Variants in ANKFN1 observed in about 807,000 individuals in gnomAD.
ANKFN1 encodes the protein ankyrin repeat and fibronectin type-III domain-containing protein 1.
In ANKFN1, 74 loss-of-function variants were observed where a neutral mutation model predicts 108.7. The observed-to-expected ratio is 0.68, with a 90% confidence interval of 0.56 to 0.83. The LOEUF is 0.83. Among genes scored for constraint, ANKFN1 ranks in the 40% least tolerant of loss-of-function variants. ANKFN1 has a pLI of 0.00. For synonymous variants in ANKFN1, 547 were observed against 516.2 expected (o/e 1.06, Z -0.81); for missense variants, 1,505 against 1,382.3 (o/e 1.09, Z -1.41).
chr17:56,188,581 G>GTGTGTGTGTATATATATATATATA (rs1212242378), intron 1 of ANKFN1, among the ~76,000 whole-genome samples: 2 of 49,650 alleles, frequency 4.0e-5, no homozygotes, highest in African/African-American at 2.0e-4. Context: ...GTGTGTGTGT[G>GTGTGTGTGTATATATATATATATA]TATATATATA....
At chr17:56,177,759 A>G (rs188888383) in intron 1 of ANKFN1, among the ~76,000 whole-genome samples, 1 of 152,310 alleles carries the variant, frequency 6.6e-6, no homozygotes, top group Admixed American at 6.5e-5. Flanking sequence ...TTAACTGCCT[A>G]AGCTCCTAAT....
chr17:56,196,083 A>G (rs539332465), intron 1 of ANKFN1, among the ~76,000 whole-genome samples: 49 of 152,202 alleles, frequency 3.2e-4, no homozygotes, highest in African/African-American at 1.1e-3. Context: ...CCTGGACAAC[A>G]TGGCAAAACC....
At chr17:56,047,067 G>C (rs1463488771) in intron 4 of ANKFN1, among the ~76,000 whole-genome samples, 1 of 152,158 alleles carries the variant, frequency 6.6e-6, no homozygotes, top group Non-Finnish European at 1.5e-5. Context: ...AGGTAAGAAT[G>C]ATTTTGCTGT....
At chr17:56,197,360 G>T (rs1294238952) in intron 1 of ANKFN1, among the ~76,000 whole-genome samples, 2 of 152,198 alleles carry the variant, frequency 1.3e-5, no homozygotes, top group Non-Finnish European at 2.9e-5. Context: ...ATTTGATTAT[G>T]CTAGGCGTGG....
At chr17:56,063,053 C>T (rs563371168) in intron 4 of ANKFN1, among the ~76,000 whole-genome samples, 5 of 152,234 alleles carry the variant, frequency 3.3e-5, no homozygotes, top group Admixed American at 3.3e-4. Flanking sequence ...GAATATTGTC[C>T]CCCAATCTCT....
intron 4 of ANKFN1, among the ~76,000 whole-genome samples, chr17:56,137,150 G>A (rs920466700): frequency 2.6e-5 from 4 of 152,186 alleles, no homozygotes; most frequent in African/African-American, 9.7e-5. Flanking sequence ...AATCCAGCAG[G>A]TCAGATGTAT....
intron 3 of ANKFN1, among the ~76,000 whole-genome samples, chr17:56,298,549 C>T (rs62073043): frequency 0.13 from 19,261 of 152,138 alleles, 1,468 homozygotes; most frequent in African/African-American, 0.22. Flanking sequence ...TGCTTATTTA[C>T]TGACTTTCCC....
intron 4 of ANKFN1, among the ~76,000 whole-genome samples, chr17:56,052,425 C>G (rs991569034): frequency 1.3e-5 from 2 of 151,854 alleles, no homozygotes; most frequent in Non-Finnish European, 2.9e-5. Context: ...ATGGCATGCC[C>G]GTGGCCTGCA....
intron 20 of ANKFN1, among the ~76,000 whole-genome samples, chr17:56,503,964 T>C (rs562583216): frequency 6.6e-5 from 10 of 152,180 alleles, no homozygotes; most frequent in Non-Finnish European, 1.0e-4. Flanking sequence ...TAATGGAGCA[T>C]ATGGCCTGAA....
chr17:56,459,234 C>A (rs1475527266), intron 14 of ANKFN1, among the ~76,000 whole-genome samples: 1 of 152,136 alleles, frequency 6.6e-6, no homozygotes, highest in Non-Finnish European at 1.5e-5. Context: ...CCTCAGCCTC[C>A]TGAGTAGCTA....
upstream of ANKFN1, among the ~76,000 whole-genome samples, chr17:56,152,254 ATATATATATGTGTG>A (rs1419667518): frequency 1.4e-4 from 11 of 78,420 alleles, no homozygotes; most frequent in African/African-American, 4.6e-4. Flanking sequence ...AAATATATAT[ATATATATATGTGTG>A]TGTGTGTGTG....
At chr17:56,196,615 C>T (rs749328343) in intron 1 of ANKFN1, among the ~76,000 whole-genome samples, 2 of 151,996 alleles carry the variant, frequency 1.3e-5, no homozygotes, top group Non-Finnish European at 2.9e-5. Flanking sequence ...CACCACATAC[C>T]CTGTAGTCCT....
intron 3 of ANKFN1, among the ~76,000 whole-genome samples, chr17:56,261,572 G>C (rs1011759414): frequency 2.0e-5 from 3 of 151,878 alleles, no homozygotes; most frequent in Admixed American, 2.0e-4. Context: ...AAGTAGGGAA[G>C]CCAACAGTGC....
Position 56,285,192 on chromosome 17 carries a change from T to C in ANKFN1, c.54-41029T>C, listed in dbSNP as rs1273815270. On this transcript the variant is annotated intron_variant, in intron 3 of 20. Transcript: ENST00000682825. ...ATTTAGGGTGACAGCAGGGGTGCGG[T>C]TGGGGACTGTGTGTGGTCTTTGCCT... Among the ~76,000 whole-genome samples the C allele has an allele frequency of 2.0e-5, 3 of 152,122 alleles. No homozygotes were observed. The South Asian group carries it at 6.2e-4, about 32-fold the overall frequency.
chr17:56,447,129 G>T (rs2049322769), intron 10 of ANKFN1, among the ~76,000 whole-genome samples: 1 of 151,838 alleles, frequency 6.6e-6, no homozygotes, highest in Admixed American at 6.6e-5. Flanking sequence ...AGGCTGAGGA[G>T]GGAGAATCAC....
intron 4 of ANKFN1, among the ~76,000 whole-genome samples, chr17:56,103,581 G>A (rs1905688876): frequency 6.6e-6 from 1 of 152,036 alleles, no homozygotes; most frequent in African/African-American, 2.4e-5. Flanking sequence ...TGAGGTAAAA[G>A]TGATTTCTTT....
intron 4 of ANKFN1, among the ~76,000 whole-genome samples, chr17:56,069,806 C>G (rs143373704): frequency 6.6e-6 from 1 of 152,140 alleles, no homozygotes; most frequent in East Asian, 1.9e-4. Context: ...AGTAAAGGAA[C>G]AAAAGAATGG....
intron 9 of ANKFN1, among the ~76,000 whole-genome samples, chr17:56,442,494 T>C (rs1215922108): frequency 6.6e-6 from 1 of 152,224 alleles, no homozygotes; most frequent in Non-Finnish European, 1.5e-5. Context: ...GGAATTGCTA[T>C]TTTTTGTAAA....
intron 3 of ANKFN1, among the ~76,000 whole-genome samples, chr17:56,231,064 G>A (rs1271503573): frequency 6.6e-6 from 1 of 152,076 alleles, no homozygotes; most frequent in Non-Finnish European, 1.5e-5. Flanking sequence ...TTTAGCTGAG[G>A]CTTTCATTGT....
Sources: allele counts gnomAD v4.1 joint callset (sites outside exome capture counted in the v4.1 genomes callset), GRCh38; gene constraint gnomAD v4.1.1; transcripts MANE v1.5; gene names NCBI Gene and HGNC (gene_info 2026-07-23, HGNC 2026-07-21).